Variants in ROBO2 observed in about 807,000 individuals in gnomAD.
ROBO2 encodes roundabout homolog 2.
Under a neutral mutation model 160.8 loss-of-function variants are expected in ROBO2, and 53 were observed. The ratio of observed to expected loss-of-function variants is 0.33; its 90% confidence interval spans 0.26 to 0.41. The LOEUF (loss-of-function observed/expected upper bound fraction) is 0.41, where lower values mean the gene tolerates loss of function less well. Ranked by LOEUF, ROBO2 falls within the 10% of genes least tolerant of loss-of-function variation. ROBO2 has a pLI of 1.00. For synonymous variants in ROBO2, 664 were observed against 611.7 expected (o/e 1.09, Z -1.26); for missense variants, 1,577 against 1,722.4 (o/e 0.92, Z 1.49).
intron 2 of ROBO2, among the ~76,000 whole-genome samples, chr3:77,460,070 A>C (rs2153570429): frequency 6.6e-6 from 1 of 152,148 alleles, no homozygotes; most frequent in Non-Finnish European, 1.5e-5. Flanking sequence ...AGTAAGAGTA[A>C]GATTGTTGAG....
chr3:77,111,167 A>G (rs1399058298), intron 2 of ROBO2, among the ~76,000 whole-genome samples: 1 of 152,160 alleles, frequency 6.6e-6, no homozygotes, highest in African/African-American at 2.4e-5. Context: ...AGCTACATAC[A>G]GGGAGAACAT....
intron 2 of ROBO2, among the ~76,000 whole-genome samples, chr3:76,227,810 G>T (rs575180912): frequency 3.9e-5 from 6 of 152,058 alleles, no homozygotes; most frequent in Non-Finnish European, 8.8e-5. Context: ...ATTCTTCTGC[G>T]CATGAATATT....
In ROBO2 at chr3:76,776,420, ATAAG is replaced by A. The variant is rs2062265919; in HGVS notation, c.110-321591_110-321588del. Among the ~76,000 whole-genome samples, 3 of 150,966 alleles carry A rather than the reference ATAAG, an allele frequency of 2.0e-5. No homozygotes were observed. In the South Asian group the frequency reaches 6.2e-4, roughly 31 times the overall value. ...TAAAAATTGTGTTTAGCTCATATAA[ATAAG>A]TATTGTTTTGATCATTAGGCCAACT... On this transcript the variant is annotated intron_variant, in intron 2 of 26. Transcript: ENST00000487694.
At chr3:77,293,284 CA>C (rs1412142709) in intron 2 of ROBO2, among the ~76,000 whole-genome samples, 3 of 142,198 alleles carry the variant, frequency 2.1e-5, no homozygotes, top group Non-Finnish European at 4.6e-5. Flanking sequence ...GCTAGATCAC[CA>C]AAGACATAAA....
chr3:77,377,958 C>A (rs1212501046), intron 2 of ROBO2, among the ~76,000 whole-genome samples: 7 of 152,138 alleles, frequency 4.6e-5, no homozygotes, highest in African/African-American at 7.2e-5. Context: ...TTTTTATTTT[C>A]TCTGTTCTGA....
At chr3:77,494,500 C>G (rs934677883) in intron 5 of ROBO2, among the ~76,000 whole-genome samples, 3 of 152,122 alleles carry the variant, frequency 2.0e-5, no homozygotes, top group African/African-American at 7.2e-5. Flanking sequence ...ATTGCTTGAA[C>G]CCGGGAGGCA....
At chr3:76,188,740 G>A (rs1010805494) in intron 2 of ROBO2, among the ~76,000 whole-genome samples, 2 of 152,062 alleles carry the variant, frequency 1.3e-5, no homozygotes, top group Non-Finnish European at 2.9e-5. Flanking sequence ...GCATGCATCA[G>A]TCTGTTTTGG....
intron 2 of ROBO2, among the ~76,000 whole-genome samples, chr3:77,463,799 T>A (rs1210731274): frequency 6.6e-6 from 1 of 152,080 alleles, no homozygotes; most frequent in Non-Finnish European, 1.5e-5. Context: ...CAAAATGGTC[T>A]CGAACTCCTG....
chr3:76,053,913 C>T (rs1175239176), intron 2 of ROBO2, among the ~76,000 whole-genome samples: 1 of 151,984 alleles, frequency 6.6e-6, no homozygotes, highest in Non-Finnish European at 1.5e-5. Context: ...TAAACATTTG[C>T]CTATTTCCCA....
At chr3:76,415,574 A>T (rs1210993397) in intron 2 of ROBO2, among the ~76,000 whole-genome samples, 1 of 152,200 alleles carries the variant, frequency 6.6e-6, no homozygotes, top group Non-Finnish European at 1.5e-5. Context: ...TGTCATCACT[A>T]AAGAAAAAGA....
At chr3:76,182,263 C>T (rs2107109949) in intron 2 of ROBO2, among the ~76,000 whole-genome samples, 1 of 152,252 alleles carries the variant, frequency 6.6e-6, no homozygotes, top group East Asian at 1.9e-4. Flanking sequence ...CAATTACAAC[C>T]TGTCCCTTAG....
chr3:77,061,797 A>G (rs888635732), intron 1 of ROBO2, among the ~76,000 whole-genome samples: 1 of 152,164 alleles, frequency 6.6e-6, no homozygotes, highest in Non-Finnish European at 1.5e-5. Flanking sequence ...TCCGGGTGGA[A>G]CCAATTAACA....
At chr3:77,470,333 A>G (rs773682723) in intron 2 of ROBO2, among the ~76,000 whole-genome samples, 4 of 152,240 alleles carry the variant, frequency 2.6e-5, no homozygotes, top group Non-Finnish European at 5.9e-5. Context: ...AAAAGGTCAA[A>G]TAGGATATTC....
At chr3:77,153,617 AC>A (rs2077721148) in intron 2 of ROBO2, among the ~76,000 whole-genome samples, 1 of 152,172 alleles carries the variant, frequency 6.6e-6, no homozygotes, top group African/African-American at 2.4e-5. Context: ...AGGAAGCCAG[AC>A]TGGAAAAAGA....
chr3:77,273,544 C>G (rs2059637481), intron 2 of ROBO2, among the ~76,000 whole-genome samples: 1 of 151,998 alleles, frequency 6.6e-6, no homozygotes, highest in Non-Finnish European at 1.5e-5. Flanking sequence ...AAAATTATAG[C>G]AAGTCATACA....
At chr3:77,120,654 G>A (rs1254775988) in intron 2 of ROBO2, among the ~76,000 whole-genome samples, 1 of 152,130 alleles carries the variant, frequency 6.6e-6, no homozygotes, top group African/African-American at 2.4e-5. Flanking sequence ...AGTTGGCTTT[G>A]AAGAAAAATC....
intron 2 of ROBO2, among the ~76,000 whole-genome samples, chr3:77,291,433 G>T (rs560281541): frequency 6.6e-6 from 1 of 151,752 alleles, no homozygotes; most frequent in East Asian, 1.9e-4. Flanking sequence ...GCTGAGGCTA[G>T]ATCACCCCAG....
intron 2 of ROBO2, among the ~76,000 whole-genome samples, chr3:77,441,456 C>T (rs1249603283): frequency 2.0e-5 from 3 of 151,804 alleles, no homozygotes; most frequent in African/African-American, 7.3e-5. Context: ...ATAACAGTGT[C>T]ATGTAAAAAA....
At position 76,487,860 on chromosome 3, in the gene ROBO2, G is replaced by A. The variant is rs181169750; in HGVS notation, c.109+550258G>A. On this transcript the variant is annotated intron_variant, in intron 2 of 26. Coordinates refer to the ROBO2 transcript ENST00000487694. ...CCCACAATTCCACATGACTATCTCC[G>A]TGGACCCTTTCACAACCTGGTAGCT... Among the ~76,000 whole-genome samples the A allele has an allele frequency of 2.1e-3, 322 of 152,254 alleles. 1 individual carries two copies. Among genetic ancestry groups the A allele is most frequent in the African/African-American group, 6.3e-3 (262 of 41,544 alleles).
Sources: gnomAD v4.1 joint callset for allele counts (sites outside exome capture counted in the v4.1 genomes callset) on GRCh38, gnomAD v4.1.1 for gene constraint, MANE v1.5 for transcripts, NCBI Gene and HGNC (gene_info 2026-07-23, HGNC 2026-07-21) for gene names.